Variants in PAX5 observed in about 807,000 individuals in gnomAD.
PAX5 encodes the protein paired box protein Pax-5.
In PAX5, 9 loss-of-function variants were observed where a neutral mutation model predicts 43.7. The ratio of observed to expected loss-of-function variants is 0.21; its 90% CI spans 0.12 to 0.36. The LOEUF is 0.36. Ranked by LOEUF, PAX5 falls within the 10% of genes least tolerant of loss-of-function variation. The pLI is 1.00. For synonymous variants in PAX5, 228 were observed against 214.3 expected, an observed-to-expected ratio of 1.06 and a Z score of -0.56; for missense variants, 383 against 532.7, an observed-to-expected ratio of 0.72 and a Z score of 2.77.
At chr9:37,001,827 T>TTTTTTTTTTTC (rs1837885434) in intron 5 of PAX5, among the ~76,000 whole-genome samples, 2 of 132,952 alleles carry the variant, frequency 1.5e-5, no homozygotes, top group Admixed American at 7.8e-5. Flanking sequence ...TTTTTTTTTT[T>TTTTTTTTTTTC]TTTTTTTCTT....
intron 3 of PAX5, among the ~76,000 whole-genome samples, chr9:37,013,043 A>G (rs1484868787): frequency 2.0e-5 from 3 of 152,104 alleles, no homozygotes; most frequent in African/African-American, 7.2e-5. Flanking sequence ...TGAGCCCAGG[A>G]GTTCGATACC....
intron 7 of PAX5, among the ~76,000 whole-genome samples, chr9:36,895,932 A>G (rs1277238251): frequency 2.6e-5 from 4 of 152,180 alleles, no homozygotes; most frequent in Non-Finnish European, 5.9e-5. Flanking sequence ...GACCAAGTGC[A>G]AAGCCCATGG....
intron 7 of PAX5, among the ~76,000 whole-genome samples, chr9:36,885,372 G>T (rs771156010): frequency 2.2e-4 from 33 of 152,290 alleles, no homozygotes; most frequent in Non-Finnish European, 3.7e-4. Context: ...TATTAGCTGT[G>T]TGACCTTGAG....
intron 8 of PAX5, among the ~76,000 whole-genome samples, chr9:36,876,731 G>A (rs916414563): frequency 3.9e-5 from 6 of 152,140 alleles, no homozygotes; most frequent in East Asian, 1.9e-4. Flanking sequence ...TGCTATATTC[G>A]CTTTCTTCAA....
In PAX5 at chr9:37,008,529, G is replaced by T. The variant is rs1301231939; in HGVS notation, c.411-1992C>A. On this transcript the variant is annotated intron_variant, in intron 3 of 9. Transcript: ENST00000358127. ...GGGTGCCTCCCCTTAAACTCAATGG[G>T]CAGTAGCCTCTCTGCCCTTTCTGAT... Among the ~76,000 whole-genome samples the T allele has an allele frequency of 9.8e-5, 15 of 152,316 alleles. No homozygotes were observed. The East Asian group carries it at 2.9e-3, about 29-fold the overall frequency.
chr9:36,973,145 G>C (rs866483603), intron 5 of PAX5, among the ~76,000 whole-genome samples: 13 of 109,154 alleles, frequency 1.2e-4, no homozygotes, highest in African/African-American at 4.4e-4. Context: ...AAAAGGAAAG[G>C]AAAGGAAAGG....
intron 7 of PAX5, among the ~76,000 whole-genome samples, chr9:36,922,235 C>T (rs979386330): frequency 2.0e-5 from 3 of 152,216 alleles, no homozygotes; most frequent in African/African-American, 7.2e-5. Flanking sequence ...CCGAGTCTAA[C>T]CCAGCTTCCC....
chr9:37,023,083 G>A (rs960664813), intron 1 of PAX5, among the ~76,000 whole-genome samples: 7 of 152,154 alleles, frequency 4.6e-5, no homozygotes, highest in Admixed American at 4.6e-4. Flanking sequence ...GGAAAAAAGA[G>A]GTGTGTTAAG....
chr9:36,924,851 G>GA (rs1830524101), intron 6 of PAX5, among the ~76,000 whole-genome samples: 2 of 136,514 alleles, frequency 1.5e-5, no homozygotes, highest in South Asian at 2.8e-4. Flanking sequence ...GGGAGGGAGG[G>GA]AGGAGGGAAT....
At chr9:36,974,993 C>T (rs367616564) in intron 5 of PAX5, among the ~76,000 whole-genome samples, 4 of 152,132 alleles carry the variant, frequency 2.6e-5, no homozygotes, top group Non-Finnish European at 4.4e-5. Flanking sequence ...CTCTCCTGCC[C>T]AGCAAGACTC....
chr9:36,889,007 T>C (rs1365817804), intron 7 of PAX5, among the ~76,000 whole-genome samples: 1 of 152,142 alleles, frequency 6.6e-6, no homozygotes, highest in Non-Finnish European at 1.5e-5. Context: ...TCTTTGATAA[T>C]TGGAAAAAGA....
intron 1 of PAX5, among the ~76,000 whole-genome samples, chr9:37,027,361 G>T (rs1840499790): frequency 6.6e-6 from 1 of 152,214 alleles, no homozygotes; most frequent in East Asian, 1.9e-4. Context: ...CAGGAACGGG[G>T]ACACCAGCGA....
At chr9:36,898,815 C>CCGGA in intron 7 of PAX5, among the ~76,000 whole-genome samples, 1 of 152,188 alleles carries the variant, frequency 6.6e-6, no homozygotes, top group South Asian at 2.1e-4. Flanking sequence ...AAGGCCTGGC[C>CCGGA]CGGACATCCT....
At chr9:37,031,173 A>G (rs1239437704) in intron 1 of PAX5, among the ~76,000 whole-genome samples, 4 of 152,196 alleles carry the variant, frequency 2.6e-5, no homozygotes, top group Non-Finnish European at 4.4e-5. Context: ...AGGTTTTTCA[A>G]GAATCATGTA....
chr9:36,975,858 T>G (rs12348779), intron 5 of PAX5, among the ~76,000 whole-genome samples: 4,020 of 152,346 alleles, frequency 0.026, 162 homozygotes, highest in African/African-American at 0.092. Flanking sequence ...GAATTAGTAT[T>G]TTTTTCCCCT....
rs1193348827 is a variant in PAX5, at chr9:37,030,472, G to C, written c.46+3514C>G. Among the ~76,000 whole-genome samples the C allele has an allele frequency of 2.0e-5, 3 of 152,328 alleles. No homozygotes were observed. In the East Asian group the frequency reaches 5.8e-4, roughly 29 times the overall value. On this transcript the variant is annotated intron_variant, in intron 1 of 9. Transcript: ENST00000358127. The stretch of plus-strand genomic sequence containing the variant: ...AGCCGCAGCCTGGGTCCAGGAGAGC[G>C]AGACTAGCAGCTCTCACCGCGGCTC...
intron 6 of PAX5, among the ~76,000 whole-genome samples, chr9:36,942,783 A>G (rs1832159682): frequency 6.6e-6 from 1 of 152,264 alleles, no homozygotes; most frequent in Non-Finnish European, 1.5e-5. Flanking sequence ...TGTTGGAAGC[A>G]GAGCTTTTAG....
chr9:37,016,453 A>G (rs1356707083), intron 2 of PAX5, among the ~76,000 whole-genome samples: 3 of 152,232 alleles, frequency 2.0e-5, no homozygotes, highest in Non-Finnish European at 4.4e-5. Flanking sequence ...GCTGTTTCTA[A>G]GGACATTTCC....
intron 7 of PAX5, among the ~76,000 whole-genome samples, chr9:36,921,049 G>A (rs1280910421): frequency 2.0e-5 from 3 of 152,160 alleles, no homozygotes; most frequent in African/African-American, 4.8e-5. Flanking sequence ...CTGACCTCAG[G>A]TGATCTGCCC....
Sources: allele counts gnomAD v4.1 joint callset (sites outside exome capture counted in the v4.1 genomes callset), GRCh38; gene constraint gnomAD v4.1.1; transcripts MANE v1.5; gene names NCBI Gene and HGNC (gene_info 2026-07-23, HGNC 2026-07-21).